Variants in AP3D1 observed in about 807,000 individuals in gnomAD.
AP3D1 encodes adaptor related protein complex 3 subunit delta 1, also known as AP-3 complex subunit delta-1.
In AP3D1, 51 loss-of-function variants were observed where a neutral mutation model predicts 147.6. The ratio of observed to expected loss-of-function variants is 0.35; its 90% CI spans 0.28 to 0.44. The LOEUF (loss-of-function observed/expected upper bound fraction) is 0.44. Among genes scored for constraint, AP3D1 ranks in the 20% least tolerant of loss-of-function variants. The pLI, the probability that AP3D1 is intolerant of heterozygous loss-of-function variation, is 1.00. For missense variants in AP3D1, 1,421 were observed against 1,624.2 expected (o/e 0.87, Z 2.15); for synonymous variants, 760 against 663.0 (o/e 1.15, Z -2.25).
upstream of AP3D1, among the ~76,000 whole-genome samples, chr19:2,152,694 G>C (rs2019573107): frequency 1.3e-5 from 2 of 151,860 alleles, no homozygotes; most frequent in South Asian, 4.2e-4. Flanking sequence ...TGGCCAATAT[G>C]GTGAAACCCC....
chr19:2,128,896 C>T (rs1599472297), intron 8 of AP3D1, among the ~76,000 whole-genome samples, 194 bp downstream of exon 8: 1 of 78 alleles, frequency 0.013, no homozygotes, highest in Admixed American at 0.045. Context: ...CCCGTGGAGC[C>T]GGCCCGCCCC....
Position 2,137,817 on chromosome 19 carries a change from G to A in AP3D1, c.193-10C>T. ...ATCCCAACATCTGTAACTGTTAAGG[G>A]ACGCACAGGAAATTGCACTCACAAG... On this transcript the variant is annotated splice_polypyrimidine_tract_variant and intron_variant, in intron 2 of 31. Coordinates refer to ENST00000643116, the MANE Select transcript of AP3D1 (RefSeq NM_001261826.3). The A allele has an allele frequency of 1.2e-6, 2 of 1,613,592 alleles. No individual in the cohort carries two copies. The highest frequency in any genetic ancestry group is 1.7e-6 in the Non-Finnish European group (2 of 1,179,764).
intron 15 of AP3D1, among the ~76,000 whole-genome samples, chr19:2,118,361 C>G (rs1191594818): frequency 6.6e-6 from 1 of 152,220 alleles, no homozygotes; most frequent in Non-Finnish European, 1.5e-5. Flanking sequence ...CCAGGAGCAG[C>G]ACCCTCACAT....
At chr19:2,142,836 C>A (rs900357972) in intron 1 of AP3D1, among the ~76,000 whole-genome samples, 7 of 152,082 alleles carry the variant, frequency 4.6e-5, no homozygotes, top group South Asian at 2.1e-4. Context: ...GATCTTGGCT[C>A]ACCACAACCT....
intron 5 of AP3D1, among the ~76,000 whole-genome samples, chr19:2,132,260 T>C (rs1281918030): frequency 6.6e-6 from 1 of 152,154 alleles, no homozygotes; most frequent in African/African-American, 2.4e-5. Context: ...CTCGGCAAGA[T>C]GATTTCAAAT....
intron 29 of AP3D1, chr19:2,109,542 G>A (rs571723705): frequency 2.5e-5 from 12 of 489,590 alleles, no homozygotes; most frequent in South Asian, 5.4e-5. Context: ...GAGGACTCAG[G>A]GGGGAGGGGG....
In AP3D1 at chr19:2,134,457, C is replaced by T. The variant is rs537861546; in HGVS notation, c.355-1879G>A. On this transcript the variant is annotated intron_variant, in intron 4 of 31. Transcript: ENST00000643116. ...AGTAAGAAAATAATTTTTTTTAGGG[C>T]TGGGCGTGGTGGCTCACGCCTTTAA... Among the ~76,000 whole-genome samples the T allele has an allele frequency of 4.6e-5, 7 of 150,908 alleles. No homozygotes were observed. The South Asian group carries it at 1.5e-3, about 32-fold the overall frequency.
chr19:2,116,857 T>C, intron 16 of AP3D1, 111 bp from the exon 17 acceptor site: 1 of 1,365,614 alleles, frequency 7.3e-7, no homozygotes, highest in Non-Finnish European at 9.7e-7. Context: ...TCCCAAACAG[T>C]GGGGCCTGCC....
chr19:2,131,559 G>A (rs1292565895), intron 5 of AP3D1, among the ~76,000 whole-genome samples: 1 of 135,002 alleles, frequency 7.4e-6, no homozygotes, highest in South Asian at 2.3e-4. Flanking sequence ...GCAGCCACGC[G>A]GGGACAGCGC....
upstream of AP3D1, among the ~76,000 whole-genome samples, chr19:2,154,328 G>A (rs1383151671): frequency 6.8e-6 from 1 of 147,194 alleles, no homozygotes; most frequent in African/African-American, 2.5e-5. Flanking sequence ...CACCAGGGCT[G>A]GAGTGCAGTG....
Position 2,110,125 on chromosome 19 carries a change from G to A in AP3D1, c.3264+11C>T, listed in dbSNP as rs888836735. 6.8e-6 allele frequency: 11 copies of A among 1,611,970 alleles called. No individual in the cohort carries two copies. The Admixed American group carries it at 1.5e-4, about 22-fold the overall frequency. On this transcript the variant is annotated intron_variant, in intron 28 of 31. Coordinates refer to ENST00000643116, the MANE Select transcript of AP3D1 (RefSeq NM_001261826.3). ...AGTCGGCTCTTCAACGCCAAGTGGA[G>A]CCCTGCATACCTTGGCAATGAAGGA...
chr19:2,123,356 AC>A lies in AP3D1; in HGVS notation c.955+1del. The A allele has an allele frequency of 6.2e-7, 1 of 1,613,184 alleles. No individual in the cohort carries two copies. The highest frequency in any genetic ancestry group is 8.5e-7 in the Non-Finnish European group (1 of 1,179,908). ...GACAGCACTGGGGAGGGGATGACTC[AC>A]AGTTCTGATCGGAGTCCTCGATCAA... On this transcript the variant is annotated splice_donor_variant, in intron 11 of 31. Transcript: ENST00000643116. LOFTEE classifies it high-confidence loss of function.
At chr19:2,135,235 A>T (rs1360182880) in intron 4 of AP3D1, among the ~76,000 whole-genome samples, 1 of 151,194 alleles carries the variant, frequency 6.6e-6, no homozygotes, top group Non-Finnish European at 1.5e-5. Flanking sequence ...ACAAAAAAAT[A>T]AAATAAAAAA....
intron 18 of AP3D1, 70 bp downstream of exon 18, chr19:2,116,133 CAGAT>C (rs1372904533): frequency 7.4e-6 from 11 of 1,485,600 alleles, no homozygotes; most frequent in Admixed American, 5.2e-5. Flanking sequence ...ACCCGAAACT[CAGAT>C]GGATGCCGCG....
intron 31 of AP3D1, among the ~76,000 whole-genome samples, chr19:2,106,877 T>C (rs1385099207): frequency 1.3e-5 from 2 of 152,172 alleles, no homozygotes; most frequent in East Asian, 1.9e-4. Flanking sequence ...CAAAGTAGAA[T>C]ACATGGTGCC....
At chr19:2,126,942 G>A (rs960993567) in intron 9 of AP3D1, among the ~76,000 whole-genome samples, 45 of 152,262 alleles carry the variant, frequency 3.0e-4, no homozygotes, top group Middle Eastern at 3.4e-3. Context: ...CACCAATGGC[G>A]GTGGAAGACC....
intron 1 of AP3D1, among the ~76,000 whole-genome samples, chr19:2,149,649 G>C (rs117680470): frequency 0.022 from 3,381 of 152,032 alleles, 50 homozygotes; most frequent in Middle Eastern, 0.058. Context: ...AGAAAACCAG[G>C]CTCAGGGGCT....
rs747174455 is a variant in AP3D1 at position 2,120,977 on chromosome 19, C to T, written c.1366G>A (p.Val456Met). Residue 456 changes from valine (V) to methionine (M), a missense_variant, in exon 14 of 32, where the codon GTG becomes ATG. Transcript: ENST00000643116. ...IRVKAIRKFAVSQMSALLDSA... is the reference protein window; with the variant it reads ...IRVKAIRKFAMSQMSALLDSA... Reference sequence around the variant, plus strand: ...TCAAGCAGCGCAGACATCTGGGACACGGCGAACTTGCGGATGGCCTTCACG... The same window carrying T: ...TCAAGCAGCGCAGACATCTGGGACATGGCGAACTTGCGGATGGCCTTCACG... 41 of 1,611,982 alleles carry T rather than the reference C, an allele frequency of 2.5e-5. No individual in the cohort carries two copies. Among genetic ancestry groups the T allele is most frequent in the Admixed American group, 5.0e-5 (3 of 60,012 alleles).
rs115573275 is a variant in AP3D1 at position 2,131,033 on chromosome 19, G to A, written c.463-496C>T. 9.8e-3 allele frequency among the ~76,000 whole-genome samples: 1,498 copies of A among 152,368 alleles called. 30 individuals are homozygous for A. The highest frequency in any genetic ancestry group is 0.033 in the African/African-American group (1,377 of 41,582). ...CCCACTGCTTTACTCTAGAGGAGCC[G>A]GCACTCTGTGAAGGCCAGCAGTCAG... On this transcript the variant is annotated intron_variant, in intron 5 of 31. Transcript: ENST00000643116.
Sources: allele counts gnomAD v4.1 joint callset (sites outside exome capture counted in the v4.1 genomes callset), GRCh38; gene constraint gnomAD v4.1.1; transcripts MANE v1.5; gene names NCBI Gene and HGNC (gene_info 2026-07-23, HGNC 2026-07-21).